The following ADGRB3 variants were observed in gnomAD, a reference collection of about 807,000 sequenced individuals.
The protein encoded by ADGRB3 is brain-specific angiogenesis inhibitor 3.
Under a neutral mutation model 193.4 loss-of-function variants are expected in ADGRB3, and 37 were observed. The ratio of observed to expected loss-of-function variants is 0.19; its 90% confidence interval spans 0.15 to 0.25. ADGRB3 has a LOEUF of 0.25. Ranked by LOEUF, ADGRB3 falls within the 10% of genes least tolerant of loss-of-function variation. ADGRB3 has a pLI of 1.00. For missense variants in ADGRB3, 1,637 were observed against 1,852.9 expected (o/e 0.88, Z 2.14); for synonymous variants, 690 against 644.2 (o/e 1.07, Z -1.08).
intron 13 of ADGRB3, among the ~76,000 whole-genome samples, chr6:69,031,835 G>A (rs1267914873): frequency 6.6e-6 from 1 of 151,728 alleles, no homozygotes; most frequent in Non-Finnish European, 1.5e-5. Flanking sequence ...GGGTTGCCAT[G>A]TTGCCCAGGT....
chr6:68,635,665 G>A lies in ADGRB3; in HGVS notation c.-523G>A, dbSNP rs1454203345. ...TTTGCTATTAAGCCACTTACATTTT[G>A]GGGGGTTCCTTAGAGTCTCCCTTGG... On this transcript the variant is annotated 5_prime_UTR_variant, in exon 1 of 32. It introduces an in-frame stop codon into an upstream open reading frame of the 5' UTR. Coordinates refer to ENST00000370598, the MANE Select transcript of ADGRB3 (RefSeq NM_001704.3). 3 of 152,354 alleles carry A rather than the reference G, an allele frequency of 2.0e-5. No individual in the cohort carries two copies. The highest frequency in any genetic ancestry group is 3.9e-4 in the East Asian group (2 of 5,144). 9.4% of individuals were successfully genotyped at this position (152,354 alleles called of 1,614,324 possible). A position where few individuals can be genotyped will look rare whatever the true frequency, so the allele number is the denominator to read the frequency against.
chr6:68,743,976 C>T (rs1766032321), intron 3 of ADGRB3, among the ~76,000 whole-genome samples: 1 of 151,856 alleles, frequency 6.6e-6, no homozygotes, highest in Admixed American at 6.6e-5. Context: ...AAATTTAAAA[C>T]ACAATATATG....
chr6:69,292,798 CA>C (rs1482164667), intron 20 of ADGRB3, among the ~76,000 whole-genome samples: 4 of 152,038 alleles, frequency 2.6e-5, no homozygotes, highest in Admixed American at 2.6e-4. Context: ...ATACATGTGC[CA>C]TGCTGGTGCG....
At chr6:68,642,683 T>G (rs2127276129) in intron 3 of ADGRB3, among the ~76,000 whole-genome samples, 1 of 152,160 alleles carries the variant, frequency 6.6e-6, no homozygotes, top group East Asian at 1.9e-4. Flanking sequence ...TTTCCCTAAT[T>G]TTTATATGAA....
At chr6:69,344,799 G>A (rs1769049908) in intron 26 of ADGRB3, among the ~76,000 whole-genome samples, 1 of 152,082 alleles carries the variant, frequency 6.6e-6, no homozygotes, top group African/African-American at 2.4e-5. Context: ...AAAACTCATG[G>A]GTTCCTAAGG....
chr6:69,299,132 G>T (rs1767898341), intron 20 of ADGRB3, among the ~76,000 whole-genome samples: 1 of 151,954 alleles, frequency 6.6e-6, no homozygotes, highest in African/African-American at 2.4e-5. Context: ...CTGATCATTA[G>T]TAATGTTGGG....
At chr6:69,234,032 A>G (rs910225534) in intron 18 of ADGRB3, among the ~76,000 whole-genome samples, 2 of 152,326 alleles carry the variant, frequency 1.3e-5, no homozygotes, top group Admixed American at 6.5e-5. Context: ...ATTCTCATCA[A>G]TTGTATTTTG....
chr6:69,021,414 T>G (rs1238077792), intron 13 of ADGRB3, among the ~76,000 whole-genome samples: 2 of 151,890 alleles, frequency 1.3e-5, no homozygotes, highest in Non-Finnish European at 2.9e-5. Flanking sequence ...TCAGAACTAA[T>G]AGATTATTTT....
At chr6:68,790,457 C>T (rs1767078948) in intron 3 of ADGRB3, among the ~76,000 whole-genome samples, 2 of 152,198 alleles carry the variant, frequency 1.3e-5, no homozygotes, top group South Asian at 4.1e-4. Context: ...TCCCAGCACG[C>T]AGCTTGAGAT....
At chr6:69,157,873 C>T (rs1465196037) in intron 17 of ADGRB3, among the ~76,000 whole-genome samples, 1 of 151,994 alleles carries the variant, frequency 6.6e-6, no homozygotes, top group African/African-American at 2.4e-5. Context: ...TAGAGTTCTG[C>T]CATCATTGAG....
rs929618463 is a variant in ADGRB3, at chr6:68,885,213, T to C, written c.758-45346T>C. Among the ~76,000 whole-genome samples the C allele has an allele frequency of 7.9e-5, 12 of 152,268 alleles. No individual in the cohort carries two copies. In the East Asian group the frequency reaches 2.1e-3, roughly 27 times the overall value. On this transcript the variant is annotated intron_variant, in intron 3 of 31. Coordinates refer to ENST00000370598, the MANE Select transcript of ADGRB3 (RefSeq NM_001704.3). The stretch of plus-strand genomic sequence containing the variant: ...GGAAGGATTTGTGATATTTCAAGAC[T>C]AACAGTAATATTTATTGAGGGAGAA...
At chr6:69,058,927 G>T (rs1255902039) in intron 15 of ADGRB3, among the ~76,000 whole-genome samples, 2 of 152,002 alleles carry the variant, frequency 1.3e-5, no homozygotes, top group Admixed American at 6.6e-5. Flanking sequence ...TGCTGTTGTT[G>T]TATGGAGTGT....
intron 2 of ADGRB3, among the ~76,000 whole-genome samples, chr6:68,638,156 C>A (rs879471047): frequency 6.6e-6 from 1 of 152,184 alleles, no homozygotes; most frequent in Non-Finnish European, 1.5e-5. Flanking sequence ...ATCATCATTA[C>A]TTTTCACGTT....
intron 20 of ADGRB3, among the ~76,000 whole-genome samples, chr6:69,323,900 CT>C (rs1768514426): frequency 6.6e-6 from 1 of 151,940 alleles, no homozygotes; most frequent in South Asian, 2.1e-4. Context: ...AGTTTTATTT[CT>C]TTGTATTGGT....
At chr6:68,900,924 T>C (rs1437388486) in intron 3 of ADGRB3, among the ~76,000 whole-genome samples, 1 of 152,130 alleles carries the variant, frequency 6.6e-6, no homozygotes, top group Non-Finnish European at 1.5e-5. Flanking sequence ...ATGACTTATT[T>C]TGATATTTCA....
At chr6:68,901,254 G>C (rs1338289770) in intron 3 of ADGRB3, among the ~76,000 whole-genome samples, 5 of 151,908 alleles carry the variant, frequency 3.3e-5, no homozygotes, top group Non-Finnish European at 5.9e-5. Flanking sequence ...GTGGAGGGGG[G>C]TGGGGTTCTA....
In ADGRB3 at chr6:69,193,719, T is replaced by A. The variant is rs1343154295; in HGVS notation, c.2481-39571T>A. Among the ~76,000 whole-genome samples the A allele has an allele frequency of 2.6e-5, 4 of 152,098 alleles. 1 individual carries two copies. The South Asian group carries it at 8.3e-4, about 31-fold the overall frequency. On this transcript the variant is annotated intron_variant, in intron 17 of 31. Transcript: ENST00000370598. ...ACTTAACCCTTTGAATCTCAATTTT[T>A]TTTTTTACCTAGAATGTAAAATAAT...
intron 29 of ADGRB3, among the ~76,000 whole-genome samples, chr6:69,363,881 T>C (rs911604660): frequency 3.9e-5 from 6 of 152,036 alleles, no homozygotes; most frequent in Admixed American, 3.9e-4. Context: ...GGAGATGCTA[T>C]TCTGACAATA....
At chr6:69,145,167 C>T (rs1774451104) in intron 17 of ADGRB3, among the ~76,000 whole-genome samples, 1 of 152,134 alleles carries the variant, frequency 6.6e-6, no homozygotes, top group African/African-American at 2.4e-5. Flanking sequence ...GCTTGCACTT[C>T]TGGCCTGGAT....
Sources: gnomAD v4.1 joint callset for allele counts (sites outside exome capture counted in the v4.1 genomes callset) on GRCh38, gnomAD v4.1.1 for gene constraint, MANE v1.5 for transcripts, NCBI Gene and HGNC (gene_info 2026-07-23, HGNC 2026-07-21) for gene names.